Variants in MTOR observed in about 807,000 individuals in gnomAD.
MTOR encodes mechanistic target of rapamycin kinase, also known as serine/threonine-protein kinase mTOR.
In MTOR, 70 loss-of-function variants were observed where a neutral mutation model predicts 319.8. The observed-to-expected ratio is 0.22, with a 90% CI of 0.18 to 0.27. The LOEUF is 0.27. Among genes scored for constraint, MTOR ranks in the 10% least tolerant of loss-of-function variants. MTOR has a pLI of 1.00. For synonymous variants in MTOR, 1,183 were observed against 1,211.4 expected (o/e 0.98, Z 0.49); for missense variants, 1,890 against 3,274.4 (o/e 0.58, Z 10.32).
At chr1:11,134,731 T>G (rs1384449049) in intron 36 of MTOR, among the ~76,000 whole-genome samples, 7 of 152,196 alleles carry the variant, frequency 4.6e-5, no homozygotes, top group Admixed American at 1.3e-4. Flanking sequence ...CTTGGCAAAG[T>G]TTCATGCCTG....
chr1:11,162,665 T>G (rs2100589800), intron 29 of MTOR, among the ~76,000 whole-genome samples: 1 of 152,282 alleles, frequency 6.6e-6, no homozygotes, highest in South Asian at 2.1e-4. Flanking sequence ...CAACCCAGAA[T>G]TTCATATCCA....
chr1:11,208,832 G>A (rs1646222106), intron 25 of MTOR, among the ~76,000 whole-genome samples: 1 of 152,218 alleles, frequency 6.6e-6, no homozygotes, highest in South Asian at 2.1e-4. Flanking sequence ...CCATGGACCA[G>A]CAGCATCACA....
intron 29 of MTOR, among the ~76,000 whole-genome samples, chr1:11,165,328 T>G (rs1644609165): frequency 6.6e-6 from 1 of 152,206 alleles, no homozygotes; most frequent in African/African-American, 2.4e-5. Context: ...GTGACATGAT[T>G]GTATATTTAG....
chr1:11,186,039 T>C (rs1364780596), intron 28 of MTOR, among the ~76,000 whole-genome samples: 1 of 131,414 alleles, frequency 7.6e-6, no homozygotes, highest in Admixed American at 9.6e-5. Flanking sequence ...GCCAAGATCG[T>C]GCCACTGCAC....
At position 11,257,098 on chromosome 1, in the gene MTOR, G is replaced by A. The variant is rs745908692; in HGVS notation, c.339C>T (p.Asn113=). The change falls in exon 4 of 58, where the codon AAC becomes AAT. Residue 113 remains asparagine, a synonymous_variant. Transcript: ENST00000361445. ...RIGRFANYLR[N]LLPSNDPVVM... ...CAACTGGGTCATTGGAGGGGAGGAG[G>A]TTCCGAAGATAGTTGGCAAATCTGC... is the stretch of plus-strand genomic sequence containing the variant. 1 of 1,614,156 alleles carries A rather than the reference G, an allele frequency of 6.2e-7. No homozygotes were observed. The highest frequency in any genetic ancestry group is 1.1e-5 in the South Asian group (1 of 91,076).
intron 1 of MTOR, among the ~76,000 whole-genome samples, chr1:11,261,122 C>A (rs1651067364): frequency 6.6e-6 from 1 of 151,852 alleles, no homozygotes; most frequent in African/African-American, 2.4e-5. Flanking sequence ...TGCTCCACAG[C>A]CACATGTGGC....
At chr1:11,258,722 C>T in intron 2 of MTOR, 129 bp from the exon 3 acceptor site, 1 of 630,518 alleles carries the variant, frequency 1.6e-6, no homozygotes, top group Non-Finnish European at 2.8e-6. Context: ...AGACAAGTTA[C>T]TGCCCATTTC....
intron 36 of MTOR, among the ~76,000 whole-genome samples, chr1:11,137,354 C>T (rs921636220): frequency 2.0e-5 from 3 of 151,986 alleles, no homozygotes; most frequent in African/African-American, 7.3e-5. Flanking sequence ...CTTTGGTGGA[C>T]TTAATAAGGA....
intron 1 of MTOR, among the ~76,000 whole-genome samples, chr1:11,260,929 A>T (rs1274241427): frequency 2.0e-5 from 3 of 151,606 alleles, no homozygotes; most frequent in African/African-American, 7.3e-5. Flanking sequence ...AGCTGGGACT[A>T]CAGATGTGCA....
At chr1:11,141,314 C>T (rs1413654674) in intron 34 of MTOR, among the ~76,000 whole-genome samples, 1 of 151,932 alleles carries the variant, frequency 6.6e-6, no homozygotes, top group East Asian at 1.9e-4. Flanking sequence ...GGTTTTGCCA[C>T]ATTGCCAAGG....
At chr1:11,256,238 T>C (rs1388021666) in intron 4 of MTOR, 46 bp from the exon 5 acceptor site, 1 of 1,581,052 alleles carries the variant, frequency 6.3e-7, no homozygotes, top group Non-Finnish European at 8.6e-7. Context: ...ACCAGAGTTT[T>C]GTTCTCTCAG....
At chr1:11,205,216 C>A (rs1173465127) in intron 25 of MTOR, among the ~76,000 whole-genome samples, 2 of 152,156 alleles carry the variant, frequency 1.3e-5, no homozygotes, top group Non-Finnish European at 2.9e-5. Flanking sequence ...TCTACTCTAT[C>A]CCCTCCAACT....
At chr1:11,258,678 C>T (rs896457817) in intron 2 of MTOR, 85 bp from the exon 3 acceptor site, 40 of 972,156 alleles carry the variant, frequency 4.1e-5, no homozygotes, top group African/African-American at 1.9e-4. Flanking sequence ...AAGATTAGAT[C>T]CTGAGAGGCA....
intron 28 of MTOR, among the ~76,000 whole-genome samples, chr1:11,185,458 T>C (rs1002497755): frequency 1.3e-5 from 2 of 149,490 alleles, no homozygotes; most frequent in African/African-American, 4.9e-5. Context: ...GAAAAAAAGA[T>C]AGTTGGGTGT....
chr1:11,137,263 A>G (rs905564215), intron 36 of MTOR, among the ~76,000 whole-genome samples: 1 of 151,956 alleles, frequency 6.6e-6, no homozygotes, highest in Admixed American at 6.6e-5. Flanking sequence ...GGTAGGAGCT[A>G]AACTAGGAAC....
rs2100746216 is a variant in MTOR, at chr1:11,199,595, A to G, written c.4053T>C (p.Ala1351=). The change falls in exon 27 of 58, where the codon GCT becomes GCC. Residue 1351 remains alanine, a synonymous_variant. Coordinates refer to ENST00000361445, the MANE Select transcript of MTOR (RefSeq NM_004958.4). This position sits in a 1 kb window ranked among gnomAD's most constrained non-coding sequence, Gnocchi z 4.5. ...AGTTTAAGAGGGTCTGTGTGACTTCAGCGATGTCTTGTGAGGTGAGGGCCA... is the reference window on the plus strand; with the variant it reads ...AGTTTAAGAGGGTCTGTGTGACTTCGGCGATGTCTTGTGAGGTGAGGGCCA... ...IELALTSQDI[A]EVTQTLLNLA... 1.9e-6 allele frequency: 3 copies of G among 1,614,166 alleles called. No homozygotes were observed. The highest frequency in any genetic ancestry group is 1.3e-5 in the African/African-American group (1 of 75,044).
At chr1:11,174,997 G>C (rs1644937788) in intron 28 of MTOR, among the ~76,000 whole-genome samples, 1 of 152,198 alleles carries the variant, frequency 6.6e-6, no homozygotes, top group Non-Finnish European at 1.5e-5. Flanking sequence ...GTGCAGAAAT[G>C]ACAGGTCAAT....
intron 25 of MTOR, among the ~76,000 whole-genome samples, chr1:11,207,785 C>A (rs1398432984): frequency 1.3e-5 from 2 of 152,074 alleles, no homozygotes; most frequent in East Asian, 3.9e-4. Flanking sequence ...CATGAGCCAC[C>A]ATGCCCAGCT....
At chr1:11,140,763 A>G (rs1369565677) in intron 34 of MTOR, among the ~76,000 whole-genome samples, 1 of 152,226 alleles carries the variant, frequency 6.6e-6, no homozygotes, top group Non-Finnish European at 1.5e-5. Flanking sequence ...TGAATGGTGA[A>G]TAACACATAA....
Sources: gnomAD v4.1 joint callset for allele counts (sites outside exome capture counted in the v4.1 genomes callset) on GRCh38, gnomAD v4.1.1 for gene constraint, Gnocchi (gnomAD v3.1) non-coding constraint, MANE v1.5 for transcripts, NCBI Gene and HGNC (gene_info 2026-07-23, HGNC 2026-07-21) for gene names.